Variants in ADGRV1 observed in about 807,000 individuals in gnomAD.
The protein encoded by ADGRV1 is G-protein coupled receptor 98.
ADGRV1 carries 359 observed loss-of-function variants against 596.2 expected under a neutral mutation model. That is an observed-to-expected ratio of 0.60 (90% CI 0.55 to 0.66). ADGRV1 has a LOEUF of 0.66. Among genes scored for constraint, ADGRV1 ranks in the 30% least tolerant of loss-of-function variants. ADGRV1 has a pLI of 0.00. For synonymous variants in ADGRV1, 2,681 were observed against 2,679.2 expected, an observed-to-expected ratio of 1.00 and a Z score of -0.02; for missense variants, 7,274 against 7,575.6, an observed-to-expected ratio of 0.96 and a Z score of 1.48.
chr5:90,648,927 A>T (rs1768196089), intron 17 of ADGRV1, among the ~76,000 whole-genome samples: 1 of 152,242 alleles, frequency 6.6e-6, no homozygotes, highest in Admixed American at 6.5e-5. Flanking sequence ...GTTGCTACAG[A>T]TAAAAATAAT....
chr5:90,657,342 AGGT>A (rs1318416832), intron 20 of ADGRV1, among the ~76,000 whole-genome samples: 3 of 151,836 alleles, frequency 2.0e-5, no homozygotes, highest in African/African-American at 7.3e-5. Flanking sequence ...TGTTAGTCTG[AGGT>A]GGTTGGATTG....
chr5:90,749,589 G>A (rs570024853), intron 52 of ADGRV1, among the ~76,000 whole-genome samples: 3 of 152,298 alleles, frequency 2.0e-5, no homozygotes, highest in African/African-American at 7.2e-5. Flanking sequence ...TAAGTTTTAA[G>A]AAATTAATGG....
intron 64 of ADGRV1, among the ~76,000 whole-genome samples, chr5:90,780,446 G>A (rs1758716270): frequency 1.3e-5 from 2 of 152,040 alleles, no homozygotes; most frequent in African/African-American, 4.8e-5. Context: ...TAGAATTTGG[G>A]AATTGAAGGA....
chr5:90,978,573 A>G (rs1310935455), intron 84 of ADGRV1, among the ~76,000 whole-genome samples: 1 of 152,146 alleles, frequency 6.6e-6, no homozygotes, highest in Non-Finnish European at 1.5e-5. Flanking sequence ...TAATGAAAAG[A>G]GTGGAATAGA....
intron 85 of ADGRV1, among the ~76,000 whole-genome samples, chr5:90,990,858 C>CTTTGGAAGTAGTCACCTAGT (rs1780904598): frequency 6.6e-6 from 1 of 152,094 alleles, no homozygotes; most frequent in Admixed American, 6.5e-5. Flanking sequence ...TATTGAATGT[C>CTTTGGAAGTAGTCACCTAGT]TTTGGAAGTA....
At chr5:91,027,832 A>G (rs1165329237) in intron 85 of ADGRV1, among the ~76,000 whole-genome samples, 1 of 152,160 alleles carries the variant, frequency 6.6e-6, no homozygotes, top group Non-Finnish European at 1.5e-5. Flanking sequence ...TAATTTATTG[A>G]CAATAATTGT....
At chr5:90,877,226 G>T (rs992941416) in intron 83 of ADGRV1, among the ~76,000 whole-genome samples, 1 of 152,134 alleles carries the variant, frequency 6.6e-6, no homozygotes, top group African/African-American at 2.4e-5. Context: ...GATTAGTGAC[G>T]CAAAAAGGAT....
At chr5:91,059,230 GT>G (rs1175080820) in intron 85 of ADGRV1, among the ~76,000 whole-genome samples, 2 of 152,046 alleles carry the variant, frequency 1.3e-5, no homozygotes, top group East Asian at 3.9e-4. Flanking sequence ...AGATGCCATT[GT>G]TTTCCCTATT....
In ADGRV1 at chr5:90,614,919, C is replaced by T; in HGVS notation, c.107C>T (p.Thr36Ile). ...FVFGETEIRF[T>I]GQTEFVVNET... is the part of the protein sequence containing the mutation. ...TTTGGAGAAACAGAAATAAGATTTA[C>T]TGGACAAACTGAATTTGTTGTTAAT... Residue 36 changes from threonine to isoleucine, a missense_variant, in exon 2 of 90, where the codon ACT becomes ATT. This residue lies in a region of ADGRV1 where 1,715 missense variants were observed against 1,708.8 expected (regional missense o/e 1.00). Transcript: ENST00000405460. 6.2e-7 allele frequency: 1 copy of T among 1,603,560 alleles called. No individual in the cohort carries two copies.
In ADGRV1 at chr5:90,706,403, C is replaced by CTTT. The variant is rs60522638; in HGVS notation, c.8730+19_8730+21dup. ...ACATTACCATTCTTGAGGTAAAACT[C>CTTT]TTTTTTTTTTTTAATCTTAGGGGGA... On this transcript the variant is annotated intron_variant, in intron 38 of 89. Transcript: ENST00000405460. The CTTT allele has an allele frequency of 3.9e-5, 54 of 1,374,218 alleles. No individual in the cohort carries two copies. Among genetic ancestry groups the CTTT allele is most frequent in the South Asian group, 1.2e-4 (8 of 68,696 alleles). 85.1% of individuals were successfully genotyped at this position (1,374,218 alleles called of 1,614,324 possible). A position where few individuals can be genotyped will look rare whatever the true frequency, so the allele number is the denominator to read the frequency against.
chr5:90,687,744 A>T (rs1745877103), intron 29 of ADGRV1, among the ~76,000 whole-genome samples: 1 of 152,170 alleles, frequency 6.6e-6, no homozygotes, highest in Non-Finnish European at 1.5e-5. Flanking sequence ...AAGCACTCTT[A>T]TACACCAATA....
chr5:91,018,721 A>G (rs532577089), intron 85 of ADGRV1, among the ~76,000 whole-genome samples: 5 of 152,156 alleles, frequency 3.3e-5, no homozygotes, highest in Admixed American at 2.6e-4. Flanking sequence ...ATACTGATTC[A>G]ATAAATAAAT....
chr5:90,945,461 G>A (rs1480625945), intron 83 of ADGRV1, among the ~76,000 whole-genome samples: 1 of 152,038 alleles, frequency 6.6e-6, no homozygotes, highest in African/African-American at 2.4e-5. Flanking sequence ...CAACACTGAG[G>A]GCATTGGTGA....
At chr5:90,640,063 C>T (rs979100301) in intron 11 of ADGRV1, among the ~76,000 whole-genome samples, 1 of 152,082 alleles carries the variant, frequency 6.6e-6, no homozygotes, top group Non-Finnish European at 1.5e-5. Context: ...TTTAGTTTTC[C>T]TCAAATCACA....
At chr5:91,074,460 GATAAC>G (rs1405264641) in intron 86 of ADGRV1, among the ~76,000 whole-genome samples, 4 of 152,258 alleles carry the variant, frequency 2.6e-5, no homozygotes, top group Non-Finnish European at 4.4e-5. Context: ...GTTCACTTAG[GATAAC>G]AGCCTCCAGC....
chr5:90,755,259 A>C, intron 55 of ADGRV1, 74 bp downstream of exon 55: 1 of 968,700 alleles, frequency 1.0e-6, no homozygotes, highest in East Asian at 2.7e-5. Context: ...ATGCTCTTGT[A>C]AGTAAAAATC....
At chr5:91,059,086 A>G (rs1787168237) in intron 85 of ADGRV1, among the ~76,000 whole-genome samples, 1 of 152,166 alleles carries the variant, frequency 6.6e-6, no homozygotes, top group Non-Finnish European at 1.5e-5. Context: ...CTGTATACAT[A>G]GGAGGATTTG....
chr5:90,811,417 T>A, intron 74 of ADGRV1, 79 bp downstream of exon 74: 1 of 1,300,960 alleles, frequency 7.7e-7, no homozygotes, highest in Non-Finnish European at 1.0e-6. Flanking sequence ...AGCTTAAATT[T>A]AATGGAAGAA....
intron 77 of ADGRV1, among the ~76,000 whole-genome samples, chr5:90,831,942 T>G (rs1204791131): frequency 3.3e-5 from 5 of 152,206 alleles, no homozygotes; most frequent in Non-Finnish European, 5.9e-5. Context: ...TACTGCATTG[T>G]GTATATGTAG....
Sources: gnomAD v4.1 joint callset for allele counts (sites outside exome capture counted in the v4.1 genomes callset) on GRCh38, gnomAD v4.1.1 for gene constraint, gnomAD v4.1.1 regional missense constraint, MANE v1.5 for transcripts, NCBI Gene and HGNC (gene_info 2026-07-23, HGNC 2026-07-21) for gene names.